NPAT: variants seen among roughly 807,000 people sequenced by gnomAD.
NPAT encodes protein NPAT.
In NPAT, 52 loss-of-function variants were observed where a neutral mutation model predicts 130.7. That is an observed-to-expected ratio of 0.40 (90% confidence interval 0.32 to 0.50). NPAT has a LOEUF of 0.50. NPAT is among the 20% of genes least tolerant of loss of function. NPAT has a pLI of 0.68. For synonymous variants in NPAT, 580 were observed against 584.8 expected (o/e 0.99, Z 0.12); for missense variants, 1,687 against 1,662.6 (o/e 1.01, Z -0.26).
At chr11:108,218,189 T>C (rs187271129) in intron 1 of NPAT, among the ~76,000 whole-genome samples, 1 of 152,196 alleles carries the variant, frequency 6.6e-6, no homozygotes, top group African/African-American at 2.4e-5. Context: ...GGTAAGAAAG[T>C]ATGCCTGAGT....
chr11:108,205,549 G>A (rs986674958), intron 1 of NPAT, among the ~76,000 whole-genome samples: 1 of 152,170 alleles, frequency 6.6e-6, no homozygotes, highest in African/African-American at 2.4e-5. Flanking sequence ...GATTACAGGA[G>A]TAAGCCACCA....
intron 1 of NPAT, among the ~76,000 whole-genome samples, chr11:108,204,775 G>A (rs188679374): frequency 3.9e-5 from 6 of 152,302 alleles, no homozygotes; most frequent in Admixed American, 2.6e-4. Context: ...CCTTGTGGAT[G>A]GCACGAAGGA....
chr11:108,199,450 A>G (rs1436514240), intron 1 of NPAT, among the ~76,000 whole-genome samples: 1 of 152,250 alleles, frequency 6.6e-6, no homozygotes, highest in African/African-American at 2.4e-5. Flanking sequence ...GATGCTGGAC[A>G]GCATAGCGGC....
At chr11:108,165,212 C>T (rs929980834) in intron 15 of NPAT, among the ~76,000 whole-genome samples, 3 of 151,970 alleles carry the variant, frequency 2.0e-5, no homozygotes, top group Non-Finnish European at 4.4e-5. Context: ...TTTTGTTGAA[C>T]AGAAACTTTA....
chr11:108,181,707 A>G (rs1451603956), intron 10 of NPAT, among the ~76,000 whole-genome samples: 1 of 151,944 alleles, frequency 6.6e-6, no homozygotes, highest in Non-Finnish European at 1.5e-5. Flanking sequence ...TTTTGCATCC[A>G]AGGAAAGGAG....
At chr11:108,214,998 A>G (rs536650159) in intron 1 of NPAT, among the ~76,000 whole-genome samples, 1 of 152,242 alleles carries the variant, frequency 6.6e-6, no homozygotes, top group South Asian at 2.1e-4. Flanking sequence ...TTTCCTCTTC[A>G]GCCTATGTTT....
chr11:108,192,207 A>T lies in NPAT; in HGVS notation c.218-17T>A. 3.3e-6 allele frequency: 5 copies of T among 1,529,112 alleles called. No individual in the cohort carries two copies. Among genetic ancestry groups the T allele is most frequent in the Non-Finnish European group, 4.5e-6 (5 of 1,102,844 alleles). 94.7% of individuals were successfully genotyped at this position (1,529,112 alleles called of 1,614,324 possible). ...TTGATGTTTCTAAATCATAGGAGAAAAGGTTCTTAATAAACCCAGCTGAAG... is the reference window on the plus strand; with the variant it reads ...TTGATGTTTCTAAATCATAGGAGAATAGGTTCTTAATAAACCCAGCTGAAG... On this transcript the variant is annotated splice_polypyrimidine_tract_variant and intron_variant, in intron 3 of 17. Coordinates refer to ENST00000278612, the MANE Select transcript of NPAT (RefSeq NM_002519.3).
chr11:108,166,131 C>T (rs1188996253), intron 15 of NPAT, among the ~76,000 whole-genome samples: 3 of 151,284 alleles, frequency 2.0e-5, no homozygotes, highest in Non-Finnish European at 4.4e-5. Context: ...TGGTGGCTCA[C>T]GCCTGTAATC....
At chr11:108,212,051 C>T (rs1401063542) in intron 1 of NPAT, among the ~76,000 whole-genome samples, 2 of 151,656 alleles carry the variant, frequency 1.3e-5, no homozygotes, top group African/African-American at 4.9e-5. Flanking sequence ...AAGAAATTTC[C>T]TCAACCTCAT....
At chr11:108,170,302 A>C in intron 13 of NPAT, 1 of 425,930 alleles carries the variant, frequency 2.3e-6, no homozygotes, top group Non-Finnish European at 4.4e-6. Flanking sequence ...TTATTCAGTC[A>C]GTGAACCATG....
chr11:108,170,785 A>C (rs2134832470), intron 13 of NPAT, among the ~76,000 whole-genome samples: 1 of 152,222 alleles, frequency 6.6e-6, no homozygotes, highest in South Asian at 2.1e-4. Context: ...TTAACTCCAA[A>C]TCCTACCTTC....
intron 15 of NPAT, among the ~76,000 whole-genome samples, chr11:108,169,452 C>T (rs945684531): frequency 2.6e-5 from 4 of 152,180 alleles, no homozygotes. Flanking sequence ...ATTCATTAAA[C>T]ACTTGAAAGC....
intron 15 of NPAT, among the ~76,000 whole-genome samples, chr11:108,166,764 T>G (rs921209320): frequency 6.6e-6 from 1 of 152,220 alleles, no homozygotes. Context: ...CATGGACTTT[T>G]ATTCTTTCTC....
At chr11:108,170,188 A>C in intron 13 of NPAT, 145 bp from the exon 14 acceptor site, 1 of 621,866 alleles carries the variant, frequency 1.6e-6, no homozygotes, top group South Asian at 1.8e-5. Flanking sequence ...TCCAAAAACA[A>C]AACAAAACAA....
chr11:108,170,000 T>G lies in NPAT; in HGVS notation c.2829A>C (p.Gln943His), dbSNP rs1246875878. The change falls in exon 14 of 18, where the codon CAA (glutamine) becomes CAC (histidine). Residue 943 changes from glutamine (Q) to histidine (H), a missense_variant. This residue lies in a region of NPAT where 1,379 missense variants were observed against 1,346.6 expected (regional missense o/e 1.02). Transcript: ENST00000278612. ...ATACTGGGATCATCCCTACCATTCC[T>G]TGGAGTACAGGCTGGACTGGAGAGG... ...IIASPVQPVL[Q>H]GMVGMIPVSV... 5 of 1,613,832 alleles carry G rather than the reference T, an allele frequency of 3.1e-6. No homozygotes were observed.
At chr11:108,214,177 G>A (rs1053816269) in intron 1 of NPAT, among the ~76,000 whole-genome samples, 17 of 152,018 alleles carry the variant, frequency 1.1e-4, no homozygotes, top group African/African-American at 2.4e-4. Context: ...ATTACAGGGT[G>A]AGCCATTACA....
At chr11:108,160,337 A>C (rs2077834174) in intron 17 of NPAT, among the ~76,000 whole-genome samples, 1 of 152,118 alleles carries the variant, frequency 6.6e-6, no homozygotes, top group Admixed American at 6.6e-5. Flanking sequence ...AAAATGGAAA[A>C]ACATACGTAA....
In NPAT at chr11:108,161,697, T is replaced by C. The variant is rs1352028932; in HGVS notation, c.3389A>G (p.Lys1130Arg). The C allele has an allele frequency of 3.7e-6, 6 of 1,613,818 alleles. No homozygotes were observed. The highest frequency in any genetic ancestry group is 5.1e-6 in the Non-Finnish European group (6 of 1,180,036). Residue 1130 changes from lysine to arginine, a missense_variant, in exon 17 of 18, where the codon AAA becomes AGA. Physicochemically the swap from Lys to Arg is conservative, Grantham distance 26 (BLOSUM62 2). Transcript: ENST00000278612. ...ATGCCGGCTAATGGCACTTTCCGAT[T>C]TAGATAAAATCTTAGGCAGAGGAGG... Reference protein sequence around the residue: ...EKPPLPKILSKSESAISRHTT... With the variant: ...EKPPLPKILSRSESAISRHTT...
At chr11:108,214,656 G>C (rs1407480613) in intron 1 of NPAT, among the ~76,000 whole-genome samples, 5 of 147,954 alleles carry the variant, frequency 3.4e-5, no homozygotes, top group Admixed American at 1.3e-4. Context: ...TTTTGAGATG[G>C]AGTCCCGCTC....
Sources: gnomAD v4.1 joint callset for allele counts (sites outside exome capture counted in the v4.1 genomes callset) on GRCh38, gnomAD v4.1.1 for gene constraint, gnomAD v4.1.1 regional missense constraint, MANE v1.5 for transcripts, NCBI Gene and HGNC (gene_info 2026-07-23, HGNC 2026-07-21) for gene names.